Variants in DLEC1 observed in about 807,000 individuals in gnomAD.
The protein encoded by DLEC1 is deleted in lung and esophageal cancer protein 1.
DLEC1 carries 146 observed loss-of-function variants against 198.1 expected under a neutral mutation model. That is an observed-to-expected ratio of 0.74 (90% CI 0.64 to 0.85). The LOEUF (loss-of-function observed/expected upper bound fraction) is 0.85, where lower values mean the gene tolerates loss of function less well. Among genes scored for constraint, DLEC1 ranks in the 40% least tolerant of loss-of-function variants. The pLI is 0.00. For synonymous variants in DLEC1, 897 were observed against 866.8 expected (o/e 1.03, Z -0.61); for missense variants, 2,233 against 2,220.0 (o/e 1.01, Z -0.12).
At chr3:38,081,857 T>C (rs1575164170) in intron 6 of DLEC1, among the ~76,000 whole-genome samples, 1 of 114,614 alleles carries the variant, frequency 8.7e-6, no homozygotes. Flanking sequence ...CCCCCCCACC[T>C]CCCTCCCGGA....
chr3:38,068,121 A>C (rs1417526355), intron 6 of DLEC1, among the ~76,000 whole-genome samples: 1 of 152,176 alleles, frequency 6.6e-6, no homozygotes, highest in Non-Finnish European at 1.5e-5. Context: ...TTTATGACCT[A>C]ATCTTGTAAG....
intron 26 of DLEC1, 58 bp downstream of exon 26, chr3:38,114,518 T>C: frequency 6.4e-7 from 1 of 1,568,372 alleles, no homozygotes; most frequent in Non-Finnish European, 8.8e-7. Context: ...CCCTCCGGCC[T>C]CCGGGCTGGG....
At chr3:38,092,925 C>G in intron 11 of DLEC1, 45 bp downstream of exon 11, 1 of 1,593,782 alleles carries the variant, frequency 6.3e-7, no homozygotes, top group Non-Finnish European at 8.6e-7. Context: ...AGAGGCTGCC[C>G]CAGCTCCAGG....
In DLEC1 at chr3:38,112,349, C is replaced by G; in HGVS notation, c.3654C>G (p.Asn1218Lys). ...CANMWGEYWD[N>K]LICTVGDLLP... Reference sequence around the variant, plus strand: ...ACATGTGGGGCGAGTACTGGGACAACCTCATCTGCACGGTAAGGGTACACA... The same window carrying G: ...ACATGTGGGGCGAGTACTGGGACAAGCTCATCTGCACGGTAAGGGTACACA... The change falls in exon 25 of 37, where the codon AAC becomes AAG. Residue 1218 changes from asparagine (N) to lysine (K), a missense_variant. By Grantham distance (94) the Asn-to-Lys change is moderately conservative. Transcript: ENST00000308059. This position sits in a 1 kb window ranked among gnomAD's most constrained non-coding sequence, Gnocchi z 4.8. 6.2e-7 allele frequency: 1 copy of G among 1,614,146 alleles called. No homozygotes were observed. Among genetic ancestry groups the G allele is most frequent in the Non-Finnish European group, 8.5e-7 (1 of 1,180,018 alleles).
chr3:38,124,025 ATG>A (rs1700614883), downstream of DLEC1: 1 of 151,876 alleles, frequency 6.6e-6, no homozygotes, highest in Non-Finnish European at 1.5e-5. Flanking sequence ...AAAAAAAAAA[ATG>A]TACATTTTTA....
At position 38,089,798 on chromosome 3, in the gene DLEC1, G is replaced by A. The variant is rs1040099589; in HGVS notation, c.1665+1410G>A. Among the ~76,000 whole-genome samples, 11 of 152,096 alleles carry A rather than the reference G, an allele frequency of 7.2e-5. No individual in the cohort carries two copies. The East Asian group carries it at 1.5e-3, about 21-fold the overall frequency. ...AGGCTTTCCCCTTGGCATTTCTTGC[G>A]TATTTTGTTTACTGATTGTTTGGGG... On this transcript the variant is annotated intron_variant, in intron 10 of 36. Transcript: ENST00000308059.
chr3:38,079,046 T>A (rs1174861229), intron 6 of DLEC1, among the ~76,000 whole-genome samples: 7 of 152,016 alleles, frequency 4.6e-5, no homozygotes, highest in Admixed American at 4.6e-4. Flanking sequence ...TAAGGGTGAT[T>A]AGGTTTTAAT....
chr3:38,114,532 C>A, intron 26 of DLEC1, 72 bp downstream of exon 26: 1 of 1,469,014 alleles, frequency 6.8e-7, no homozygotes, highest in South Asian at 1.1e-5. Flanking sequence ...GGCTGGGCTG[C>A]CCACGTTGGC....
intron 18 of DLEC1, among the ~76,000 whole-genome samples, chr3:38,099,734 TTGTG>T (rs1188807615): frequency 1.4e-5 from 2 of 140,816 alleles, no homozygotes; most frequent in African/African-American, 5.2e-5. Flanking sequence ...CCCTCTCCCT[TTGTG>T]TGTGTGCCTG....
intron 21 of DLEC1, 52 bp from the exon 22 acceptor site, chr3:38,109,380 C>T: frequency 6.2e-7 from 1 of 1,608,448 alleles, no homozygotes; most frequent in Non-Finnish European, 8.5e-7. Context: ...CATCTGGGCT[C>T]ATCTTCAGAG....
intron 9 of DLEC1, 74 bp downstream of exon 9, chr3:38,086,451 A>C (rs1372393392): frequency 7.8e-6 from 12 of 1,528,754 alleles, no homozygotes; most frequent in Non-Finnish European, 1.1e-5. Flanking sequence ...GGAACTTACT[A>C]GAGTATACCT....
Position 38,117,064 on chromosome 3 carries a change from T to C in DLEC1, c.4269T>C (p.Thr1423=). 6.2e-7 allele frequency: 1 copy of C among 1,614,024 alleles called. No individual in the cohort carries two copies. The highest frequency in any genetic ancestry group is 1.1e-5 in the South Asian group (1 of 91,084). Residue 1423 remains threonine (T), a synonymous_variant, in exon 30 of 37, where the codon ACT becomes ACC. Coordinates refer to ENST00000308059, the MANE Select transcript of DLEC1 (RefSeq NM_007335.4). ...SPEILHKVEC[T]GYALGFMSLD... Reference sequence around the variant, plus strand: ...AGATCCTGCACAAGGTGGAGTGTACTGGCTACGCCCTGGGTTTCATGAGCT... The same window carrying C: ...AGATCCTGCACAAGGTGGAGTGTACCGGCTACGCCCTGGGTTTCATGAGCT...
chr3:38,116,578 G>C lies in DLEC1; in HGVS notation c.3982G>C (p.Asp1328His), dbSNP rs778356627. Residue 1328 changes from aspartate to histidine, a missense_variant, in exon 28 of 37, where the codon GAT becomes CAT. Asp to His is a moderately conservative substitution (Grantham distance 81). Coordinates refer to ENST00000308059, the MANE Select transcript of DLEC1 (RefSeq NM_007335.4). The part of the protein sequence containing the change: ...DQAGNELVCP[D>H]TPEGGCLLWS... The stretch of plus-strand genomic sequence containing the variant: ...AGCCGGGAATGAGCTTGTGTGCCCT[G>C]ATACCCCTGAGGGTGGCTGCCTCCT... The C allele has an allele frequency of 1.4e-5, 23 of 1,613,990 alleles. No individual in the cohort carries two copies. Among genetic ancestry groups the C allele is most frequent in the Non-Finnish European group, 1.7e-5 (20 of 1,179,996 alleles).
intron 7 of DLEC1, among the ~76,000 whole-genome samples, chr3:38,084,833 C>G (rs1409636068): frequency 6.6e-6 from 1 of 151,998 alleles, no homozygotes; most frequent in Non-Finnish European, 1.5e-5. Flanking sequence ...TCTCCCCACT[C>G]CTCGTGCTGC....
intron 2 of DLEC1, among the ~76,000 whole-genome samples, chr3:38,048,107 A>C (rs1033994106): frequency 6.6e-6 from 1 of 152,212 alleles, no homozygotes; most frequent in Non-Finnish European, 1.5e-5. Flanking sequence ...TCTTTGGCAG[A>C]GAGCCTTTTC....
At chr3:38,084,589 A>AGTG (rs1698329909) in intron 7 of DLEC1, among the ~76,000 whole-genome samples, 1 of 9,334 alleles carries the variant, frequency 1.1e-4, no homozygotes, top group Admixed American at 8.3e-4. Flanking sequence ...GGGGGGTGGT[A>AGTG]GTAGTAGTAG....
Position 38,039,264 on chromosome 3 carries a change from G to T in DLEC1, c.39G>T (p.Ala13=). The T allele has an allele frequency of 6.2e-7, 1 of 1,613,546 alleles. No individual in the cohort carries two copies. Among genetic ancestry groups the T allele is most frequent in the Non-Finnish European group, 8.5e-7 (1 of 1,179,672 alleles). Residue 13 remains alanine (A), a synonymous_variant, in exon 1 of 37, where the codon GCG becomes GCT. Coordinates refer to ENST00000308059, the MANE Select transcript of DLEC1 (RefSeq NM_007335.4). ...GCTCCAAAACGCGGAGGTCTTTAGC[G>T]TCCCGGACCAACGAGTGCCAGGGGA... The part of the protein sequence containing the change: ...TRSSKTRRSL[A]SRTNECQGTM...
intron 25 of DLEC1, 113 bp from the exon 26 acceptor site, chr3:38,114,229 C>T (rs1427915662): frequency 4.5e-6 from 4 of 882,866 alleles, no homozygotes; most frequent in Non-Finnish European, 5.6e-6. Flanking sequence ...CACAGTGAGG[C>T]TGGGACCAAA....
In DLEC1 at chr3:38,108,416, C is replaced by T; in HGVS notation, c.3030C>T (p.His1010=). 6.2e-7 allele frequency: 1 copy of T among 1,614,070 alleles called. No individual in the cohort carries two copies. Among genetic ancestry groups the T allele is most frequent in the African/African-American group, 1.3e-5 (1 of 75,060 alleles). ...CATGTGTCTGCCAGCTCCTCGGACA[C>T]CAAGCAGAATTCTGCATGGTGACAG... The part of the protein sequence containing the change: ...TQFHWGKLLG[H]QAEFCMVTVS... Residue 1010 remains histidine (H), a synonymous_variant, in exon 21 of 37, where the codon CAC becomes CAT. Transcript: ENST00000308059.
Sources: allele counts gnomAD v4.1 joint callset (sites outside exome capture counted in the v4.1 genomes callset), GRCh38; gene constraint gnomAD v4.1.1; non-coding constraint Gnocchi (gnomAD v3.1); transcripts MANE v1.5; gene names NCBI Gene and HGNC (gene_info 2026-07-23, HGNC 2026-07-21).